The following USP9X variants were observed in gnomAD, a reference collection of about 807,000 sequenced individuals.
USP9X encodes the protein ubiquitin carboxyl-terminal hydrolase 9X.
USP9X carries 7 observed loss-of-function variants against 190.3 expected under a neutral mutation model. The ratio of observed to expected loss-of-function variants is 0.04; its 90% CI spans 0.02 to 0.07. The LOEUF (loss-of-function observed/expected upper bound fraction) is 0.07. Among genes scored for constraint, USP9X ranks in the 10% least tolerant of loss-of-function variants. The pLI, the probability that USP9X is intolerant of heterozygous loss-of-function variation, is 1.00. For missense variants in USP9X, 1,010 were observed against 1,916.9 expected, an observed-to-expected ratio of 0.53 and a Z score of 8.83; for synonymous variants, 645 against 659.5, an observed-to-expected ratio of 0.98 and a Z score of 0.34.
chrX:41,133,297 T>C (rs2062340571), intron 4 of USP9X, among the ~76,000 whole-genome samples: 1 of 112,124 alleles, frequency 8.9e-6, no homozygotes, highest in Non-Finnish European at 1.9e-5. Context: ...TTTTGTTCTT[T>C]TATACGTTCA....
At position 41,228,978 on chromosome X, in the gene USP9X, G is replaced by A. The variant is rs7062157; in HGVS notation, c.7062-275G>A. The A allele has an allele frequency of 0.13, 23,096 of 181,729 alleles. 1,360 individuals carry two copies. Among genetic ancestry groups the A allele is most frequent in the East Asian group, 0.23 (2,099 of 9,000 alleles). 15.0% of individuals were successfully genotyped at this position (181,729 alleles called of 1,213,427 possible). On this transcript the variant is annotated intron_variant, in intron 41 of 44. Transcript: ENST00000378308. ...TAAAAATACAAAAAATTAGCTGGGC[G>A]TGGTGGCACGTGCCTGTAGTTGGGC...
intron 1 of USP9X, among the ~76,000 whole-genome samples, chrX:41,099,803 C>T: frequency 9.0e-6 from 1 of 111,715 alleles, no homozygotes; most frequent in South Asian, 3.8e-4. Context: ...TCGAGACCAT[C>T]CTGACCAACA....
At chrX:41,170,688 T>A in intron 20 of USP9X, 69 bp downstream of exon 20, 1 of 1,035,971 alleles carries the variant, frequency 9.7e-7, no homozygotes, top group Non-Finnish European at 1.3e-6. Flanking sequence ...ATAAAGTATA[T>A]AGAGTGGTTC....
rs867425171 is a variant in USP9X at position 41,235,887 on chromosome X, T to C, written c.*3363T>C. 1 of 112,205 alleles carries C rather than the reference T, an allele frequency of 8.9e-6. No homozygotes were observed. The highest frequency in any genetic ancestry group is 1.9e-5 in the Non-Finnish European group (1 of 53,155). 9.2% of individuals were successfully genotyped at this position (112,205 alleles called of 1,213,427 possible). On this transcript the variant is annotated 3_prime_UTR_variant, in exon 45 of 45. Coordinates refer to ENST00000378308, the MANE Select transcript of USP9X (RefSeq NM_001039591.3). The stretch of plus-strand genomic sequence containing the variant: ...ATGAGGAGACTTTTTTGACTTACAT[T>C]TGTAAATGAAAACAAGTCTGTGAAT...
At position 41,198,473 on chromosome X, in the gene USP9X, T is replaced by A. The variant is rs922975939; in HGVS notation, c.4381-55T>A. On this transcript the variant is annotated intron_variant, in intron 29 of 44. Coordinates refer to ENST00000378308, the MANE Select transcript of USP9X (RefSeq NM_001039591.3). ...ATGATTTACTTACAAGAGAACTTTT[T>A]TTTTCTAAAAATATATAGCATTGCT... 10 of 942,644 alleles carry A rather than the reference T, an allele frequency of 1.1e-5. No homozygotes were observed. The African/African-American group carries it at 1.8e-4, about 17-fold the overall frequency. 77.7% of individuals were successfully genotyped at this position (942,644 alleles called of 1,213,427 possible).
intron 31 of USP9X, among the ~76,000 whole-genome samples, chrX:41,203,951 G>A (rs924742861): frequency 1.1e-4 from 12 of 111,732 alleles, no homozygotes; most frequent in Admixed American, 9.5e-5. Flanking sequence ...ACCCACCTTG[G>A]CCTCCCAAAG....
intron 1 of USP9X, among the ~76,000 whole-genome samples, chrX:41,121,196 A>G (rs2062188148): frequency 9.0e-6 from 1 of 111,040 alleles, no homozygotes; most frequent in Non-Finnish European, 1.9e-5. Flanking sequence ...CATTTTCCTC[A>G]TTAATCTGCC....
Position 41,171,928 on chromosome X carries a change from G to A in USP9X, c.3118G>A (p.Ala1040Thr), listed in dbSNP as rs1214716260. The change falls in exon 21 of 45, where the codon GCA becomes ACA. Residue 1040 changes from alanine (A) to threonine (T), a missense_variant. Ala to Thr is a moderately conservative substitution (Grantham distance 58). Around this residue, in one of 11 missense-constraint regions of USP9X, gnomAD observed 351 missense variants for 480.8 expected, o/e 0.73. Coordinates refer to ENST00000378308, the MANE Select transcript of USP9X (RefSeq NM_001039591.3). ...SLNMPPLRDG[A>T]RVLMKLMPPD... Reference sequence around the variant, plus strand: ...AAATATGCCACCCCTTAGAGATGGAGCAAGAGTACTTATGAAACTTATGCC... The same window carrying A: ...AAATATGCCACCCCTTAGAGATGGAACAAGAGTACTTATGAAACTTATGCC... 8.3e-7 allele frequency: 1 copy of A among 1,210,991 alleles called. No individual in the cohort carries two copies. Among genetic ancestry groups the A allele is most frequent in the African/African-American group, 1.7e-5 (1 of 57,800 alleles).
chrX:41,211,785 T>A (rs1261190122), intron 33 of USP9X, among the ~76,000 whole-genome samples: 2 of 106,227 alleles, frequency 1.9e-5, no homozygotes, highest in Non-Finnish European at 3.9e-5. Flanking sequence ...CCGCCCCTAC[T>A]GGGAAGTGAG....
chrX:41,174,619 A>G (rs189617266), intron 21 of USP9X, among the ~76,000 whole-genome samples: 3 of 111,622 alleles, frequency 2.7e-5, no homozygotes, highest in Admixed American at 9.5e-5. Context: ...TGTAATTTCA[A>G]TTTTTCCCAT....
chrX:41,211,858 C>T (rs1244843145), intron 33 of USP9X, among the ~76,000 whole-genome samples: 2 of 101,379 alleles, frequency 2.0e-5, no homozygotes, highest in African/African-American at 3.6e-5. Flanking sequence ...GCCCCCCGCC[C>T]GGCCAGCCGC....
chrX:41,208,432 C>T (rs1035193066), intron 32 of USP9X, among the ~76,000 whole-genome samples: 14 of 111,841 alleles, frequency 1.3e-4, no homozygotes, highest in African/African-American at 3.2e-4. Flanking sequence ...TAGTGGAGCT[C>T]GGTTTGTATA....
chrX:41,177,935 T>A (rs1450974015), intron 21 of USP9X, among the ~76,000 whole-genome samples: 1 of 109,648 alleles, frequency 9.1e-6, no homozygotes, highest in African/African-American at 3.3e-5. Context: ...TCAATTTTTT[T>A]AAGGTACTTT....
chrX:41,112,880 C>T (rs2062120367), intron 1 of USP9X, among the ~76,000 whole-genome samples: 1 of 112,618 alleles, frequency 8.9e-6, no homozygotes, highest in African/African-American at 3.2e-5. Context: ...CATGTGTTTT[C>T]GATTGAGGCA....
chrX:41,185,283 G>A (rs777541585), intron 23 of USP9X, among the ~76,000 whole-genome samples: 13 of 112,205 alleles, frequency 1.2e-4, no homozygotes, highest in African/African-American at 3.6e-4. Context: ...TTCAATTGTG[G>A]AGATCAGAAT....
chrX:41,219,390 C>G (rs2063240690), intron 38 of USP9X, among the ~76,000 whole-genome samples, 159 bp downstream of exon 38: 1 of 110,431 alleles, frequency 9.1e-6, no homozygotes, highest in South Asian at 3.8e-4. Context: ...TCACCTTTTA[C>G]TTTGTTTATG....
chrX:41,122,186 A>G (rs1280908137), intron 1 of USP9X, among the ~76,000 whole-genome samples: 3 of 110,943 alleles, frequency 2.7e-5, no homozygotes, highest in Admixed American at 9.6e-5. Context: ...CCAGAAGTCC[A>G]ATATCAATGT....
chrX:41,175,658 G>A (rs1414770242), intron 21 of USP9X, among the ~76,000 whole-genome samples: 1 of 111,413 alleles, frequency 9.0e-6, no homozygotes, highest in Non-Finnish European at 1.9e-5. Flanking sequence ...ACCAAGATCT[G>A]GACATTTATT....
chrX:41,130,492 GTTTTTTGT>G (rs1569160751), intron 3 of USP9X, among the ~76,000 whole-genome samples: 56 of 66,431 alleles, frequency 8.4e-4, no homozygotes, highest in African/African-American at 2.6e-3. Context: ...TTTGTTTTTT[GTTTTTTGT>G]TTTTTTTGAG....
Sources: allele counts gnomAD v4.1 joint callset (sites outside exome capture counted in the v4.1 genomes callset), GRCh38; gene constraint gnomAD v4.1.1; regional missense constraint gnomAD v4.1.1; transcripts MANE v1.5; gene names NCBI Gene and HGNC (gene_info 2026-07-23, HGNC 2026-07-21).